NFIB: variants seen among roughly 807,000 people sequenced by gnomAD.
NFIB encodes the protein nuclear factor 1 B-type.
In NFIB, 11 loss-of-function variants were observed where a neutral mutation model predicts 61.5. The ratio of observed to expected loss-of-function variants is 0.18; its 90% CI spans 0.11 to 0.30. NFIB has a LOEUF of 0.30. Ranked by LOEUF, NFIB falls within the 10% of genes least tolerant of loss-of-function variation. NFIB has a pLI of 1.00. For synonymous variants in NFIB, 260 were observed against 216.5 expected (o/e 1.20, Z -1.76); for missense variants, 471 against 608.9 (o/e 0.77, Z 2.38).
At chr9:14,302,293 G>A (rs904887162) in intron 2 of NFIB, among the ~76,000 whole-genome samples, 2 of 152,180 alleles carry the variant, frequency 1.3e-5, no homozygotes, top group Non-Finnish European at 2.9e-5. Flanking sequence ...ATAATTCTTA[G>A]CATTTGCTTC....
At chr9:14,187,029 G>A (rs10756537) in intron 2 of NFIB, among the ~76,000 whole-genome samples, 1,198 of 57,362 alleles carry the variant, frequency 0.021, 14 homozygotes, top group East Asian at 0.11. Context: ...GTGTGTGTAT[G>A]TGTGTGTGTG....
chr9:14,410,440 A>T, the NFIB span, among the ~76,000 whole-genome samples: 12 of 152,216 alleles, frequency 7.9e-5, no homozygotes, highest in Admixed American at 3.9e-4. Context: ...TGCAAAGGGC[A>T]GAGTAAACTA....
intron 2 of NFIB, among the ~76,000 whole-genome samples, chr9:14,203,640 C>CT (rs1190150362): frequency 6.6e-6 from 1 of 152,164 alleles, no homozygotes; most frequent in African/African-American, 2.4e-5. Context: ...GGCCTGGGCC[C>CT]GCCTCACCAA....
At chr9:14,319,394 G>T (rs1456096842) in intron 1 of NFIB, among the ~76,000 whole-genome samples, 1 of 152,184 alleles carries the variant, frequency 6.6e-6, no homozygotes, top group African/African-American at 2.4e-5. Context: ...TACAAAGTCA[G>T]CAGTTGCCCT....
chr9:14,139,379 A>G (rs548018613), intron 6 of NFIB, among the ~76,000 whole-genome samples: 2 of 152,318 alleles, frequency 1.3e-5, no homozygotes, highest in South Asian at 4.1e-4. Flanking sequence ...ACTTCACAAT[A>G]AGCTTAAACA....
rs570957966 is a variant in NFIB, at chr9:14,364,870, G to A, written c.108+33654C>T. ...CACATAAAGCCTCAGGGTTGCTTCA[G>A]AGAGATGAGAGGGTAATGGAGGAAC... On this transcript the variant is annotated intron_variant, in intron 1 of 8. Transcript: ENST00000380934. 9.8e-5 allele frequency among the ~76,000 whole-genome samples: 15 copies of A among 152,316 alleles called. No homozygotes were observed. In the South Asian group the frequency reaches 2.9e-3, roughly 29 times the overall value.
intron 1 of NFIB, among the ~76,000 whole-genome samples, chr9:14,373,989 C>A (rs2061388672): frequency 6.6e-6 from 1 of 152,184 alleles, no homozygotes; most frequent in Non-Finnish European, 1.5e-5. Context: ...ATGATTCCCA[C>A]TGAGTATGCG....
At position 14,307,437 on chromosome 9, in the gene NFIB, T is replaced by C. The variant is rs1295225456; in HGVS notation, c.114A>G (p.Lys38=). The C allele has an allele frequency of 1.2e-6, 2 of 1,613,746 alleles. No homozygotes were observed. The highest frequency in any genetic ancestry group is 1.7e-6 in the Non-Finnish European group (2 of 1,179,982). ...AYTWFNLQAR[K]RKYFKKHEKR... ...TCTCATGCTTTTTAAAGTACTTGCG[T>C]TTTCGAGCCTGCAGGTTGAACCAAG... is the stretch of plus-strand genomic sequence containing the variant. The change falls in exon 2 of 11, where the codon AAA becomes AAG. Residue 38 remains lysine, a synonymous_variant. Transcript: ENST00000380953. The surrounding 1 kb of genome is among the most constrained non-coding windows in gnomAD (Gnocchi z 5.3).
chr9:14,421,931 TC>T, the NFIB span, among the ~76,000 whole-genome samples: 1 of 152,214 alleles, frequency 6.6e-6, no homozygotes, highest in Non-Finnish European at 1.5e-5. Context: ...ACTTTTTTTT[TC>T]CTTGAGGGCT....
chr9:14,364,207 C>T (rs2061273704), intron 1 of NFIB, among the ~76,000 whole-genome samples: 1 of 152,204 alleles, frequency 6.6e-6, no homozygotes, highest in Non-Finnish European at 1.5e-5. Flanking sequence ...TCCCCACCCT[C>T]TTAGCAACCC....
At chr9:14,220,683 T>C (rs1563915844) in intron 2 of NFIB, among the ~76,000 whole-genome samples, 2 of 151,990 alleles carry the variant, frequency 1.3e-5, no homozygotes, top group African/African-American at 2.4e-5. Context: ...TCCCCTTCAC[T>C]TTCTCCTCTT....
rs190496301 is a variant in NFIB, at chr9:14,179,848, G to A, written c.563-68C>T. ...TGAAAGAATTTCACAATCCTCAAAG[G>A]ACTCGAAAAAAAAATTTGAAGGTAT... On this transcript the variant is annotated intron_variant, in intron 2 of 10. Coordinates refer to ENST00000380953, the MANE Select transcript of NFIB (RefSeq NM_001190737.2). The A allele has an allele frequency of 1.8e-4, 270 of 1,512,802 alleles. 1 individual carries two copies. In the African/African-American group the frequency reaches 3.2e-3, roughly 18 times the overall value. The allele number at this position is 1,512,802 out of a possible 1,614,324, so 93.7% of individuals were successfully genotyped here. A position where few individuals can be genotyped will look rare whatever the true frequency, so the allele number is the denominator to read the frequency against.
At chr9:14,385,644 G>A (rs2061540745) in intron 1 of NFIB, among the ~76,000 whole-genome samples, 1 of 152,046 alleles carries the variant, frequency 6.6e-6, no homozygotes, top group South Asian at 2.1e-4. Flanking sequence ...TAACATTTAG[G>A]TATACAGCCT....
chr9:14,367,768 C>G (rs1264858418), intron 1 of NFIB, among the ~76,000 whole-genome samples: 2 of 152,096 alleles, frequency 1.3e-5, no homozygotes. Flanking sequence ...TCTCAGCAGA[C>G]TAACACAGGA....
chr9:14,098,003 AG>A (rs1442725845), intron 10 of NFIB, among the ~76,000 whole-genome samples: 1 of 151,552 alleles, frequency 6.6e-6, no homozygotes, highest in Non-Finnish European at 1.5e-5. Context: ...ACAATTTCTT[AG>A]AAAAACATGT....
At chr9:14,172,712 T>A (rs1358237135) in intron 3 of NFIB, among the ~76,000 whole-genome samples, 1 of 152,198 alleles carries the variant, frequency 6.6e-6, no homozygotes, top group Admixed American at 6.5e-5. Context: ...TTCTTATGCA[T>A]CTTCTGTAAC....
At chr9:14,309,800 T>C (rs1257220909) in intron 1 of NFIB, among the ~76,000 whole-genome samples, 1 of 152,238 alleles carries the variant, frequency 6.6e-6, no homozygotes, top group Non-Finnish European at 1.5e-5. Flanking sequence ...TCACTTCCTA[T>C]AATCTTTTAC....
At chr9:14,444,841 G>A in the NFIB span, among the ~76,000 whole-genome samples, 140 of 152,206 alleles carry the variant, frequency 9.2e-4, no homozygotes, top group African/African-American at 3.0e-3. Context: ...CCCTTTTTGT[G>A]CACTATCTGC....
At chr9:14,374,099 A>G (rs139275034) in intron 1 of NFIB, among the ~76,000 whole-genome samples, 56 of 152,342 alleles carry the variant, frequency 3.7e-4, no homozygotes, top group African/African-American at 1.3e-3. Flanking sequence ...AGGCAAAATT[A>G]TAGTAAAATA....
Sources: gnomAD v4.1 joint callset for allele counts (sites outside exome capture counted in the v4.1 genomes callset) on GRCh38, gnomAD v4.1.1 for gene constraint, Gnocchi (gnomAD v3.1) non-coding constraint, MANE v1.5 for transcripts, NCBI Gene and HGNC (gene_info 2026-07-23, HGNC 2026-07-21) for gene names.